Variants in DAPK2 observed in about 807,000 individuals in gnomAD.
DAPK2 encodes the protein death associated protein kinase 2, also known as death-associated protein kinase 2.
A neutral mutation model predicts 44.1 loss-of-function variants in DAPK2; 35 were observed. The observed-to-expected ratio is 0.79, with a 90% CI of 0.61 to 1.05. The LOEUF is 1.05. DAPK2 is among the 50% of genes least tolerant of loss of function. DAPK2 has a pLI of 0.00. For missense variants in DAPK2, 453 were observed against 483.2 expected (o/e 0.94, Z 0.59); for synonymous variants, 174 against 182.6 (o/e 0.95, Z 0.38).
chr15:63,993,505 T>C (rs1446437411), intron 1 of DAPK2, among the ~76,000 whole-genome samples: 2 of 152,028 alleles, frequency 1.3e-5, no homozygotes, highest in Non-Finnish European at 2.9e-5. Flanking sequence ...TGTAAGAATC[T>C]TGTTTTTCAC....
chr15:63,964,689 A>G (rs2078005375), intron 3 of DAPK2, among the ~76,000 whole-genome samples: 1 of 151,428 alleles, frequency 6.6e-6, no homozygotes, highest in Non-Finnish European at 1.5e-5. Flanking sequence ...CTTCAAGCTC[A>G]CTAATTCTTT....
chr15:63,925,678 G>GCGCGCACACACACA (rs1352051474), intron 7 of DAPK2, among the ~76,000 whole-genome samples: 7 of 138,446 alleles, frequency 5.1e-5, no homozygotes, highest in Non-Finnish European at 9.3e-5. Context: ...GACTTGTAGC[G>GCGCGCACACACACA]CACACACACA....
intron 1 of DAPK2, among the ~76,000 whole-genome samples, chr15:64,008,907 G>A (rs535321932): frequency 1.3e-5 from 2 of 152,248 alleles, no homozygotes; most frequent in Non-Finnish European, 2.9e-5. Context: ...GCATCACCAA[G>A]GGCCTTACAG....
chr15:64,030,479 C>A (rs1396865999), intron 1 of DAPK2, among the ~76,000 whole-genome samples: 1 of 152,060 alleles, frequency 6.6e-6, no homozygotes, highest in African/African-American at 2.4e-5. Flanking sequence ...GGTTTAAGAA[C>A]CTCATCAAGG....
At chr15:63,973,646 C>G (rs2078271429) in intron 2 of DAPK2, among the ~76,000 whole-genome samples, 1 of 152,104 alleles carries the variant, frequency 6.6e-6, no homozygotes, top group Non-Finnish European at 1.5e-5. Flanking sequence ...AGACTTTGGA[C>G]TTTAAACTTT....
chr15:63,979,383 T>C (rs2078440316), intron 2 of DAPK2, among the ~76,000 whole-genome samples: 1 of 152,128 alleles, frequency 6.6e-6, no homozygotes, highest in South Asian at 2.1e-4. Context: ...CATGTCCTCC[T>C]AGTGCTGGCC....
chr15:63,958,202 G>GT (rs1039348303), intron 3 of DAPK2, among the ~76,000 whole-genome samples: 42 of 150,806 alleles, frequency 2.8e-4, no homozygotes, highest in African/African-American at 6.6e-4. Context: ...TGATGGAGTT[G>GT]TTTTTTTTTC....
At chr15:63,949,578 C>G (rs1361022383) in intron 3 of DAPK2, among the ~76,000 whole-genome samples, 1 of 152,174 alleles carries the variant, frequency 6.6e-6, no homozygotes, top group African/African-American at 2.4e-5. Flanking sequence ...GCTTTAGGGG[C>G]CCCCCATCTG....
At chr15:64,011,709 T>C (rs993354554) in intron 1 of DAPK2, among the ~76,000 whole-genome samples, 1 of 152,244 alleles carries the variant, frequency 6.6e-6, no homozygotes, top group African/African-American at 2.4e-5. Flanking sequence ...CAATTTTACT[T>C]ATTTTTAATT....
intron 1 of DAPK2, among the ~76,000 whole-genome samples, chr15:64,036,309 G>GTATATATATATACATATATA (rs1175432400): frequency 1.7e-3 from 100 of 60,466 alleles, no homozygotes; most frequent in East Asian, 0.011. Context: ...GTGTGTGTGT[G>GTATATATATATACATATATA]TATATATATG....
At chr15:64,035,147 G>A (rs1293287951) in intron 1 of DAPK2, among the ~76,000 whole-genome samples, 6 of 149,716 alleles carry the variant, frequency 4.0e-5, no homozygotes, top group Non-Finnish European at 5.9e-5. Context: ...CAGCCTGGGC[G>A]ACAGAATGAG....
intron 1 of DAPK2, among the ~76,000 whole-genome samples, chr15:64,033,519 G>A (rs753434385): frequency 2.6e-5 from 4 of 152,210 alleles, no homozygotes; most frequent in Non-Finnish European, 5.9e-5. Flanking sequence ...ATTTCGTTAA[G>A]TGAGAAAAGC....
chr15:63,997,542 T>G (rs11638613), intron 1 of DAPK2, among the ~76,000 whole-genome samples: 49,439 of 152,000 alleles, frequency 0.33, 8,241 homozygotes, highest in South Asian at 0.56. Context: ...TGTTGGCCAG[T>G]CTGGTCTCGA....
intron 3 of DAPK2, among the ~76,000 whole-genome samples, chr15:63,955,448 T>C (rs2077696718): frequency 6.6e-6 from 1 of 152,242 alleles, no homozygotes. Context: ...TAGTTTTCTT[T>C]GATGTGTTTT....
At chr15:63,997,568 T>G (rs866428838) in intron 1 of DAPK2, among the ~76,000 whole-genome samples, 5 of 152,324 alleles carry the variant, frequency 3.3e-5, no homozygotes, top group Middle Eastern at 6.8e-3. Flanking sequence ...TGACTTCAGG[T>G]GATCTGCCCA....
chr15:63,964,390 G>A (rs2077993649), intron 3 of DAPK2, among the ~76,000 whole-genome samples: 1 of 151,894 alleles, frequency 6.6e-6, no homozygotes, highest in Non-Finnish European at 1.5e-5. Flanking sequence ...TTGACTTTTG[G>A]GAGTTTGATT....
chr15:64,039,120 A>C (rs967634208), intron 1 of DAPK2, among the ~76,000 whole-genome samples: 4 of 152,188 alleles, frequency 2.6e-5, no homozygotes, highest in African/African-American at 9.6e-5. Context: ...CTGTGCTGTG[A>C]CAACTTTGGG....
intron 1 of DAPK2, among the ~76,000 whole-genome samples, chr15:63,988,007 T>C (rs952300139): frequency 2.6e-5 from 4 of 152,196 alleles, no homozygotes; most frequent in Non-Finnish European, 5.9e-5. Flanking sequence ...GTGGGAACTC[T>C]GTGCCTGAGA....
At chr15:63,929,512 T>C (rs1428925353) in intron 6 of DAPK2, 39 bp downstream of exon 7, 1 of 1,613,466 alleles carries the variant, frequency 6.2e-7, no homozygotes, top group African/African-American at 1.3e-5. Flanking sequence ...TTCCCCCAGA[T>C]CTAAGCTGAG....
Sources: allele counts gnomAD v4.1 joint callset (sites outside exome capture counted in the v4.1 genomes callset), GRCh38; gene constraint gnomAD v4.1.1; transcripts MANE v1.5; gene names NCBI Gene and HGNC (gene_info 2026-07-23, HGNC 2026-07-21).